The following SCNN1G variants were observed in gnomAD, a reference collection of about 807,000 sequenced individuals.
SCNN1G encodes the protein sodium channel epithelial 1 subunit gamma, also known as epithelial sodium channel subunit gamma.
Under a neutral mutation model 64.6 loss-of-function variants are expected in SCNN1G, and 27 were observed. That is an observed-to-expected ratio of 0.42 (90% confidence interval 0.31 to 0.58). The LOEUF (loss-of-function observed/expected upper bound fraction) is 0.58. Ranked by LOEUF, SCNN1G falls within the 20% of genes least tolerant of loss-of-function variation. SCNN1G has a pLI of 0.18. For missense variants in SCNN1G, 743 were observed against 823.4 expected, an observed-to-expected ratio of 0.90 and a Z score of 1.19; for synonymous variants, 330 against 314.2, an observed-to-expected ratio of 1.05 and a Z score of -0.53.
chr16:23,208,793 A>C (rs1199620502), intron 6 of SCNN1G, among the ~76,000 whole-genome samples: 1 of 149,198 alleles, frequency 6.7e-6, no homozygotes, highest in Non-Finnish European at 1.5e-5. Flanking sequence ...GCTGGATTGC[A>C]GTGGCACAAC....
intron 6 of SCNN1G, among the ~76,000 whole-genome samples, chr16:23,208,033 G>C (rs568503631): frequency 6.6e-6 from 1 of 152,336 alleles, no homozygotes; most frequent in South Asian, 2.1e-4. Flanking sequence ...CAAACACACA[G>C]TTGTAATAAA....
chr16:23,202,830 C>A (rs979605205), intron 6 of SCNN1G, among the ~76,000 whole-genome samples: 7 of 152,140 alleles, frequency 4.6e-5, no homozygotes, highest in Admixed American at 1.3e-4. Flanking sequence ...TTAGAGAATC[C>A]AAGGGCAGGG....
intron 6 of SCNN1G, among the ~76,000 whole-genome samples, chr16:23,198,503 G>A (rs1309670375): frequency 6.6e-6 from 1 of 152,156 alleles, no homozygotes; most frequent in Non-Finnish European, 1.5e-5. Context: ...GGCCAAGGTG[G>A]GTGGATCACT....
In SCNN1G at chr16:23,197,447, T is replaced by C; in HGVS notation, c.1077+20T>C. Reference sequence around the variant, plus strand: ...CACCTGGTAAGAGAATATTCTCATTTCCATAGGCTTGGAGAGAACAGATCT... The same window carrying C: ...CACCTGGTAAGAGAATATTCTCATTCCCATAGGCTTGGAGAGAACAGATCT... On this transcript the variant is annotated intron_variant, in intron 6 of 12. Transcript: ENST00000300061. 1 of 1,608,156 alleles carries C rather than the reference T, an allele frequency of 6.2e-7. No homozygotes were observed. Among genetic ancestry groups the C allele is most frequent in the Non-Finnish European group, 8.5e-7 (1 of 1,174,638 alleles).
chr16:23,214,775 C>T lies in SCNN1G; in HGVS notation c.1557C>T (p.Ser519=), dbSNP rs774755655. ...KDLNQRSIME[S]PANSIEMLLS... ...TGAACCAGAGATCCATCATGGAGAG[C>T]CCAGCCAACAGTGTGAGTAGAGTGG... The change falls in exon 12 of 13, where the codon AGC becomes AGT. Residue 519 remains serine, a synonymous_variant. Coordinates refer to ENST00000300061, the MANE Select transcript of SCNN1G (RefSeq NM_001039.4). 8 of 1,613,460 alleles carry T rather than the reference C, an allele frequency of 5.0e-6. No homozygotes were observed. Among genetic ancestry groups the T allele is most frequent in the Non-Finnish European group, 6.8e-6 (8 of 1,179,398 alleles).
chr16:23,186,672 C>T (rs1959612507), intron 2 of SCNN1G, 84 bp downstream of exon 2: 2 of 1,208,066 alleles, frequency 1.7e-6, no homozygotes, highest in Admixed American at 3.5e-5. Context: ...GACACACTGG[C>T]AGCCTGGAGG....
chr16:23,185,813 G>C (rs1385394801), intron 1 of SCNN1G, among the ~76,000 whole-genome samples: 1 of 152,166 alleles, frequency 6.6e-6, no homozygotes, highest in Non-Finnish European at 1.5e-5. Flanking sequence ...AATGAGATAG[G>C]AATGCTGCCC....
Position 23,192,523 on chromosome 16 carries a change from G to A in SCNN1G, c.790G>A (p.Gly264Arg). ...GCTGCTGGTGACCTGCTTCTTTGATGGAGTGTCCTGTGATGCCAGGTCAGG... is the reference window on the plus strand; with the variant it reads ...GCTGCTGGTGACCTGCTTCTTTGATAGAGTGTCCTGTGATGCCAGGTCAGG... Reference protein sequence around the residue: ...EELLVTCFFDGVSCDARNFTL... With the variant: ...EELLVTCFFDRVSCDARNFTL... The change falls in exon 4 of 13, where the codon GGA becomes AGA. Residue 264 changes from glycine to arginine, a missense_variant. Physicochemically the swap from Gly to Arg is moderately radical, Grantham distance 125. Coordinates refer to ENST00000300061, the MANE Select transcript of SCNN1G (RefSeq NM_001039.4). 6.2e-7 allele frequency: 1 copy of A among 1,612,230 alleles called. No homozygotes were observed. The highest frequency in any genetic ancestry group is 8.5e-7 in the Non-Finnish European group (1 of 1,179,892).
intron 8 of SCNN1G, among the ~76,000 whole-genome samples, chr16:23,212,477 T>TTG (rs1960095686): frequency 6.6e-6 from 1 of 152,076 alleles, no homozygotes; most frequent in Non-Finnish European, 1.5e-5. Context: ...AAGGGTGGTC[T>TTG]GACCTTCAAC....
Position 23,215,235 on chromosome 16 carries a change from G to C in SCNN1G, c.1716G>C (p.Trp572Cys). 6.2e-7 allele frequency: 1 copy of C among 1,614,150 alleles called. No homozygotes were observed. Among genetic ancestry groups the C allele is most frequent in the Non-Finnish European group, 8.5e-7 (1 of 1,180,030 alleles). The change falls in exon 13 of 13, where the codon TGG (tryptophan) becomes TGC (cysteine). Residue 572 changes from tryptophan (W) to cysteine (C), a missense_variant. Physicochemically the swap from Trp to Cys is radical, Grantham distance 215. Transcript: ENST00000300061. ...GCCAGTGGCAGAAAGCCAAGGAGTG[G>C]TGGGCCTGGAAACAGGCTCCCCCAT... ...ARRQWQKAKE[W>C]WAWKQAPPCP...
intron 1 of SCNN1G, 98 bp from the exon 2 acceptor site, chr16:23,186,130 G>A (rs1959601612): frequency 1.3e-6 from 1 of 763,338 alleles, no homozygotes; most frequent in Admixed American, 2.0e-5. Context: ...AGGTCTCTAA[G>A]GGCGCATGGA....
At chr16:23,186,028 G>A (rs1596760580) in intron 1 of SCNN1G, among the ~76,000 whole-genome samples, 200 bp from the exon 2 acceptor site, 1 of 152,216 alleles carries the variant, frequency 6.6e-6, no homozygotes, top group African/African-American at 2.4e-5. Context: ...AGCTTCTCTG[G>A]CAGCTGTGGT....
At chr16:23,192,031 C>A (rs183084129) in intron 3 of SCNN1G, among the ~76,000 whole-genome samples, 2 of 152,104 alleles carry the variant, frequency 1.3e-5, no homozygotes, top group African/African-American at 4.8e-5. Context: ...TTGTTAGGAA[C>A]GTAGTAGCAT....
At chr16:23,207,012 G>A (rs891761324) in intron 6 of SCNN1G, among the ~76,000 whole-genome samples, 1 of 152,216 alleles carries the variant, frequency 6.6e-6, no homozygotes, top group Admixed American at 6.5e-5. Flanking sequence ...TTCGAGGCAT[G>A]AACAGAAAAT....
At chr16:23,196,296 T>G (rs1959794414) in intron 5 of SCNN1G, 1 of 152,242 alleles carries the variant, frequency 6.6e-6, no homozygotes, top group African/African-American at 2.4e-5. Context: ...GTGAATCAGA[T>G]GTGTTCTAGA....
At chr16:23,205,321 T>C (rs1325132671) in intron 6 of SCNN1G, among the ~76,000 whole-genome samples, 1 of 151,974 alleles carries the variant, frequency 6.6e-6, no homozygotes, top group Non-Finnish European at 1.5e-5. Flanking sequence ...TCAACCCCCT[T>C]ACGCCCACGG....
At position 23,189,592 on chromosome 16, in the gene SCNN1G, G is replaced by C; in HGVS notation, c.539G>C (p.Arg180Pro). ...KARDFFTGRK[R>P]KVGGSIIHKA... is the part of the protein sequence containing the mutation. The stretch of plus-strand genomic sequence containing the variant: ...AGGGACTTCTTCACAGGGAGGAAGC[G>C]GAAAGTCGGCGGTAGCATCATTCAC... Residue 180 changes from arginine (R) to proline (P), a missense_variant, in exon 3 of 13, where the codon CGG (arginine) becomes CCG (proline). Physicochemically the swap from Arg to Pro is moderately radical, Grantham distance 103 (BLOSUM62 -2). Transcript: ENST00000300061. The C allele has an allele frequency of 6.2e-7, 1 of 1,614,238 alleles. No homozygotes were observed. Among genetic ancestry groups the C allele is most frequent in the Non-Finnish European group, 8.5e-7 (1 of 1,180,036 alleles).
At chr16:23,207,887 G>A (rs1190095896) in intron 6 of SCNN1G, among the ~76,000 whole-genome samples, 3 of 151,970 alleles carry the variant, frequency 2.0e-5, no homozygotes, top group South Asian at 2.1e-4. Context: ...CCCTCTACCC[G>A]TTTTCATTCT....
At chr16:23,203,471 G>A (rs560213220) in intron 6 of SCNN1G, among the ~76,000 whole-genome samples, 1 of 152,154 alleles carries the variant, frequency 6.6e-6, no homozygotes, top group East Asian at 1.9e-4. Flanking sequence ...TGCCAAACAG[G>A]GATTAAGCGC....
Sources: gnomAD v4.1 joint callset for allele counts (sites outside exome capture counted in the v4.1 genomes callset) on GRCh38, gnomAD v4.1.1 for gene constraint, MANE v1.5 for transcripts, NCBI Gene and HGNC (gene_info 2026-07-23, HGNC 2026-07-21) for gene names.